The following APOL4 variants were observed in gnomAD, a reference collection of about 807,000 sequenced individuals.
The protein encoded by APOL4 is apolipoprotein L4, also known as apolipoprotein L, 4.
A neutral mutation model predicts 12.1 loss-of-function variants in APOL4; 14 were observed. That is an observed-to-expected ratio of 1.16 (90% CI 0.76 to 1.81). The LOEUF is 1.81. Among genes scored for constraint, APOL4 ranks in the 40% most tolerant of loss-of-function variants. The probability of loss-of-function intolerance (pLI) is 0.00; values close to 1 mark genes in which losing one functional copy is unlikely to be tolerated. For missense variants in APOL4, 432 were observed against 423.1 expected (o/e 1.02, Z -0.18); for synonymous variants, 171 against 160.6 (o/e 1.06, Z -0.49).
At chr22:36,202,683 G>C (rs1037746161), upstream of APOL4, among the ~76,000 whole-genome samples, 2 of 151,282 alleles carry the variant, frequency 1.3e-5, no homozygotes, top group African/African-American at 4.9e-5. Flanking sequence ...CAGAGATTGC[G>C]CCACTGCACT....
chr22:36,202,581 C>A (rs1031857705), upstream of APOL4, among the ~76,000 whole-genome samples: 1 of 152,088 alleles, frequency 6.6e-6, no homozygotes, highest in African/African-American at 2.4e-5. Context: ...CAAAAATTAG[C>A]CGAGTGTAGT....
chr22:36,198,271 A>C (rs2014471049), intron 2 of APOL4, among the ~76,000 whole-genome samples: 3 of 152,240 alleles, frequency 2.0e-5, no homozygotes. Flanking sequence ...ACCCACCGGC[A>C]TCAACATGAC....
chr22:36,203,021 TC>T (rs2014631043), upstream of APOL4, among the ~76,000 whole-genome samples: 1 of 152,208 alleles, frequency 6.6e-6, no homozygotes, highest in African/African-American at 2.4e-5. Flanking sequence ...AAGCTCTCAC[TC>T]CTGTAGTTAC....
chr22:36,191,117 G>A lies in APOL4; in HGVS notation c.1005C>T (p.Leu335=), dbSNP rs372864545. ...TCTGATGGATATGGGTGAGCTCATT[G>A]AGATTCTCCTCCAGCTCCTGAGCCC... The part of the protein sequence containing the change: ...RQWAQELEEN[L]NELTHIHQSL... Residue 335 remains leucine (L), a synonymous_variant, in exon 4 of 4, where the codon CTC becomes CTT. Transcript: ENST00000683024. The A allele has an allele frequency of 6.2e-7, 1 of 1,609,946 alleles. No homozygotes were observed. The highest frequency in any genetic ancestry group is 1.7e-5 in the Admixed American group (1 of 59,404).
chr22:36,195,747 C>T (rs1253259968), intron 2 of APOL4, among the ~76,000 whole-genome samples: 1 of 61,756 alleles, frequency 1.6e-5, no homozygotes, highest in Non-Finnish European at 3.0e-5. Context: ...CAGATGATCT[C>T]TCTCTCTCTC....
At chr22:36,197,805 AG>A in intron 2 of APOL4, 1 of 1,549,818 alleles carries the variant, frequency 6.5e-7, no homozygotes, top group Non-Finnish European at 8.7e-7. Context: ...CTGTAGGGAC[AG>A]GGGGAGGGGA....
At chr22:36,204,795 A>C (rs6000190), upstream of APOL4, 15 of 228,702 alleles carry the variant, frequency 6.6e-5, no homozygotes, top group East Asian at 1.9e-4. Flanking sequence ...CCAGCAGCTC[A>C]CAATCAAGCA....
upstream of APOL4, among the ~76,000 whole-genome samples, chr22:36,204,013 G>A (rs6000187): frequency 0.33 from 50,303 of 151,992 alleles, 8,699 homozygotes; most frequent in Middle Eastern, 0.39. Flanking sequence ...CCACAGACAT[G>A]GAGTCCTATG....
chr22:36,191,911 C>T lies in APOL4; in HGVS notation c.211G>A (p.Glu71Lys). ...GCTTCATAGAGAGCATCTGCCTCTTCCCTGTACCAATAAAGGACAGATGAT... is the reference window on the plus strand; with the variant it reads ...GCTTCATAGAGAGCATCTGCCTCTTTCCTGTACCAATAAAGGACAGATGAT... ...RFVRVAELPR[E>K]EADALYEALK... The change falls in exon 4 of 4, where the codon GAA becomes AAA. Residue 71 changes from glutamate to lysine, a missense_variant and splice_region_variant. Coordinates refer to ENST00000683024, the MANE Select transcript of APOL4 (RefSeq NM_001386885.1). The T allele has an allele frequency of 6.3e-7, 1 of 1,582,730 alleles. No homozygotes were observed. Among genetic ancestry groups the T allele is most frequent in the Non-Finnish European group, 8.5e-7 (1 of 1,169,600 alleles).
In APOL4 at chr22:36,190,560, A is replaced by G. The variant is rs1291251782; in HGVS notation, c.*515T>C. 6.3e-6 allele frequency: 1 copy of G among 158,142 alleles called. No individual in the cohort carries two copies. Among genetic ancestry groups the G allele is most frequent in the Non-Finnish European group, 1.4e-5 (1 of 71,322 alleles). 9.8% of individuals were successfully genotyped at this position (158,142 alleles called of 1,614,324 possible). A position where few individuals can be genotyped will look rare whatever the true frequency, so the allele number is the denominator to read the frequency against. On this transcript the variant is annotated 3_prime_UTR_variant, in exon 4 of 4. Transcript: ENST00000683024. ...CCCTCAGGGGTGCATTCTCTTTCTC[A>G]GGGATGTTCCTTGCTGAGAAAAAGA...
rs2014220575 is a variant in APOL4, at chr22:36,190,782, T to TTA, written c.*291_*292dup. The TTA allele has an allele frequency of 3.0e-6, 1 of 332,242 alleles. No individual in the cohort carries two copies. The highest frequency in any genetic ancestry group is 4.2e-5 in the South Asian group (1 of 23,602). 20.6% of individuals were successfully genotyped at this position (332,242 alleles called of 1,614,324 possible). A position where few individuals can be genotyped will look rare whatever the true frequency, so the allele number is the denominator to read the frequency against. On this transcript the variant is annotated 3_prime_UTR_variant, in exon 4 of 4. Transcript: ENST00000683024. ...TCTACAATTTGTGCAGTTAACGCAATTATCACATGGTCCTGAGGTGACATA... is the reference window on the plus strand; with the variant it reads ...TCTACAATTTGTGCAGTTAACGCAATTATATCACATGGTCCTGAGGTGACATA...
upstream of APOL4, chr22:36,204,820 C>T (rs147949573): frequency 2.5e-4 from 53 of 212,968 alleles, 1 homozygote; most frequent in East Asian, 5.1e-3. Flanking sequence ...AAACACGCTG[C>T]TCCCCAGCAC....
chr22:36,189,996 C>T lies in APOL4; in HGVS notation c.*1079G>A, dbSNP rs188585894. The T allele has an allele frequency of 4.8e-4, 99 of 206,236 alleles. No individual in the cohort carries two copies. The highest frequency in any genetic ancestry group is 2.2e-3 in the African/African-American group (94 of 43,310). The allele number at this position is 206,236 out of a possible 1,614,324, so 12.8% of individuals were successfully genotyped here. ...GCACTGCTCTGGGGTCATTGGGTAT[C>T]GGGGAACCTGCCCCGATGGTCACGT... On this transcript the variant is annotated 3_prime_UTR_variant, in exon 4 of 4. Transcript: ENST00000683024.
In APOL4 at chr22:36,190,955, T is replaced by C; in HGVS notation, c.*120A>G. The C allele has an allele frequency of 1.1e-6, 1 of 904,624 alleles. No homozygotes were observed. Among genetic ancestry groups the C allele is most frequent in the Non-Finnish European group, 1.6e-6 (1 of 612,274 alleles). 56.0% of individuals were successfully genotyped at this position (904,624 alleles called of 1,614,324 possible). On this transcript the variant is annotated 3_prime_UTR_variant, in exon 4 of 4. Coordinates refer to ENST00000683024, the MANE Select transcript of APOL4 (RefSeq NM_001386885.1). Reference sequence around the variant, plus strand: ...CGGTAAAGACAGGCATAGGAAATTATAAAAGTATTAATTTGGGGAACTAAT... The same window carrying C: ...CGGTAAAGACAGGCATAGGAAATTACAAAAGTATTAATTTGGGGAACTAAT...
chr22:36,197,544 G>C (rs746180828), intron 2 of APOL4: 3 of 1,386,166 alleles, frequency 2.2e-6, no homozygotes, highest in Admixed American at 3.2e-5. Flanking sequence ...AAACATTCCC[G>C]GGCAAACAAA....
At chr22:36,202,251 T>A (rs2014604973), upstream of APOL4, among the ~76,000 whole-genome samples, 1 of 152,110 alleles carries the variant, frequency 6.6e-6, no homozygotes. Flanking sequence ...GGACTACAGG[T>A]GCACGCTACC....
At chr22:36,201,850 G>A (rs186888144), upstream of APOL4, 144 of 1,574,988 alleles carry the variant, frequency 9.1e-5, 2 homozygotes, top group African/African-American at 1.3e-3. Context: ...CTCTAGGCGA[G>A]TCTACCAGTT....
chr22:36,195,131 G>A lies in APOL4; in HGVS notation c.209+180C>T, dbSNP rs758355315. The A allele has an allele frequency of 5.5e-6, 4 of 724,526 alleles. 1 individual carries two copies. The highest frequency in any genetic ancestry group is 3.4e-5 in the Admixed American group (1 of 29,724). 44.9% of individuals were successfully genotyped at this position (724,526 alleles called of 1,614,324 possible). ...GGGCTTCTTCTCCCCTCAGCCTGAG[G>A]TCACTCACTGCCAGCGAAGCACTTG... is the stretch of plus-strand genomic sequence containing the variant. On this transcript the variant is annotated intron_variant, in intron 3 of 3. Transcript: ENST00000683024.
intron 1 of APOL4, among the ~76,000 whole-genome samples, chr22:36,200,262 C>T (rs575048400): frequency 3.9e-5 from 6 of 152,328 alleles, no homozygotes; most frequent in African/African-American, 1.4e-4. Flanking sequence ...CTGCTTCAAC[C>T]TCATGTCTTC....
Sources: gnomAD v4.1 joint callset for allele counts (sites outside exome capture counted in the v4.1 genomes callset) on GRCh38, gnomAD v4.1.1 for gene constraint, MANE v1.5 for transcripts, NCBI Gene and HGNC (gene_info 2026-07-23, HGNC 2026-07-21) for gene names.